Variants in CSMD1 observed in about 807,000 individuals in gnomAD.
The protein encoded by CSMD1 is CUB and Sushi multiple domains 1, also known as CUB and sushi domain-containing protein 1.
A neutral mutation model predicts 417.5 loss-of-function variants in CSMD1; 213 were observed. The observed-to-expected ratio is 0.51, with a 90% confidence interval of 0.46 to 0.57. CSMD1 has a LOEUF of 0.57. CSMD1 is among the 20% of genes least tolerant of loss of function. The pLI is 0.00. For synonymous variants in CSMD1, 2,862 were observed against 1,736.8 expected, an observed-to-expected ratio of 1.65 and a Z score of -16.11; for missense variants, 6,923 against 4,529.7, an observed-to-expected ratio of 1.53 and a Z score of -15.17.
At chr8:4,352,406 A>T (rs1032371013) in intron 3 of CSMD1, among the ~76,000 whole-genome samples, 1 of 152,232 alleles carries the variant, frequency 6.6e-6, no homozygotes, top group Non-Finnish European at 1.5e-5. Flanking sequence ...AGAAAATGAG[A>T]ACACCAGTAT....
intron 5 of CSMD1, among the ~76,000 whole-genome samples, chr8:3,889,281 T>C (rs995531466): frequency 4.0e-5 from 6 of 151,526 alleles, no homozygotes; most frequent in East Asian, 1.9e-4. Context: ...TAGAAAGCCA[T>C]TGCCTTTTTT....
intron 25 of CSMD1, among the ~76,000 whole-genome samples, chr8:3,302,807 A>T (rs1340144600): frequency 6.6e-6 from 1 of 152,184 alleles, no homozygotes; most frequent in Non-Finnish European, 1.5e-5. Flanking sequence ...ATGGCAGCTG[A>T]AATGTGAGTG....
At chr8:3,162,394 A>G in intron 37 of CSMD1, 117 bp from the exon 38 acceptor site, 1 of 678,048 alleles carries the variant, frequency 1.5e-6, no homozygotes. Flanking sequence ...AAAGACTTCA[A>G]CTCTTTCTCT....
chr8:4,041,012 T>C (rs1797858800), intron 3 of CSMD1, among the ~76,000 whole-genome samples: 1 of 123,142 alleles, frequency 8.1e-6, no homozygotes, highest in Non-Finnish European at 1.7e-5. Flanking sequence ...TTCTTTTTTT[T>C]TTTCCTTTTT....
intron 1 of CSMD1, among the ~76,000 whole-genome samples, chr8:4,834,861 G>A (rs374376950): frequency 6.8e-6 from 1 of 148,010 alleles, no homozygotes; most frequent in Non-Finnish European, 1.5e-5. Context: ...GGAGGCTGAG[G>A]CAGGAGAAAG....
At chr8:4,578,158 G>C (rs1044433210) in intron 2 of CSMD1, among the ~76,000 whole-genome samples, 1 of 151,824 alleles carries the variant, frequency 6.6e-6, no homozygotes, top group Non-Finnish European at 1.5e-5. Flanking sequence ...GCTGATAAAA[G>C]AGCATTTTTT....
intron 35 of CSMD1, 108 bp from the exon 36 acceptor site, chr8:3,188,073 TATACATATGTATATGTATATATATATAC>T: frequency 2.5e-6 from 1 of 398,816 alleles, no homozygotes; most frequent in Non-Finnish European, 4.5e-6. Context: ...TGTATATATA[TATACATATGTATATGTATATATATATAC>T]ATATACACCT....
At chr8:3,099,507 G>A (rs998776780) in intron 46 of CSMD1, among the ~76,000 whole-genome samples, 7 of 152,240 alleles carry the variant, frequency 4.6e-5, no homozygotes, top group African/African-American at 7.2e-5. Context: ...ACCAGAGGGC[G>A]TTTCATTTTG....
chr8:2,948,992 C>T (rs60684462), intron 68 of CSMD1, among the ~76,000 whole-genome samples: 24,500 of 150,460 alleles, frequency 0.16, 2,071 homozygotes, highest in African/African-American at 0.22. Flanking sequence ...TTTAAGAACT[C>T]TTAGTTTTCT....
intron 11 of CSMD1, among the ~76,000 whole-genome samples, chr8:3,487,771 T>C (rs1019833861): frequency 2.0e-5 from 3 of 152,118 alleles, no homozygotes; most frequent in Non-Finnish European, 4.4e-5. Context: ...AGCTTACAAA[T>C]TACACTAAGT....
At chr8:3,933,068 A>T (rs199627529) in intron 5 of CSMD1, among the ~76,000 whole-genome samples, 1 of 9,098 alleles carries the variant, frequency 1.1e-4, no homozygotes, top group Non-Finnish European at 2.4e-4. Flanking sequence ...TTATCTCATT[A>T]AAAAAAAACA....
intron 2 of CSMD1, among the ~76,000 whole-genome samples, chr8:4,609,280 G>C (rs2130786095): frequency 6.6e-6 from 1 of 152,130 alleles, no homozygotes; most frequent in Non-Finnish European, 1.5e-5. Flanking sequence ...GTGTGCCTTT[G>C]GTCCCAGCTA....
chr8:4,626,866 G>C (rs913056215), intron 2 of CSMD1, among the ~76,000 whole-genome samples: 3 of 152,094 alleles, frequency 2.0e-5, no homozygotes, highest in African/African-American at 7.2e-5. Context: ...TAAGCAAGAA[G>C]AAAATCAAGT....
intron 6 of CSMD1, among the ~76,000 whole-genome samples, chr8:3,721,571 G>T (rs1262658747): frequency 6.6e-6 from 1 of 152,040 alleles, no homozygotes; most frequent in Non-Finnish European, 1.5e-5. Context: ...AAATTCCAGT[G>T]GTATTTCAGG....
intron 1 of CSMD1, among the ~76,000 whole-genome samples, chr8:4,681,323 T>C (rs1189096210): frequency 2.0e-5 from 3 of 152,148 alleles, no homozygotes; most frequent in African/African-American, 4.8e-5. Flanking sequence ...TAGTACAATA[T>C]CTGATATAAG....
At chr8:4,068,265 G>A (rs910656411) in intron 3 of CSMD1, among the ~76,000 whole-genome samples, 30 of 152,220 alleles carry the variant, frequency 2.0e-4, no homozygotes, top group South Asian at 8.3e-4. Context: ...TGCCCTCCTC[G>A]GAGAGTTGAG....
At chr8:3,306,260 A>C (rs1282170276) in intron 25 of CSMD1, among the ~76,000 whole-genome samples, 1 of 152,184 alleles carries the variant, frequency 6.6e-6, no homozygotes, top group South Asian at 2.1e-4. Flanking sequence ...TTGTTTATAA[A>C]TATTTTTCAT....
Position 4,354,030 on chromosome 8 carries a change from T to C in CSMD1, c.415+65923A>G, listed in dbSNP as rs76936861. Among the ~76,000 whole-genome samples, 532 of 152,324 alleles carry C rather than the reference T, an allele frequency of 3.5e-3. 26 individuals are homozygous for C. In the East Asian group the frequency reaches 0.089, roughly 26 times the overall value. ...TCAGCACATTCTTCAGGCTTTTTCC[T>C]CTCCATACCAGTGTCTATGCAGCTA... is the stretch of plus-strand genomic sequence containing the variant. On this transcript the variant is annotated intron_variant, in intron 3 of 69. Transcript: ENST00000635120.
chr8:3,936,091 TAAGCCAAAGCCTAAC>T lies in CSMD1; in HGVS notation c.818+61797_818+61811del, dbSNP rs1262410765. Among the ~76,000 whole-genome samples the T allele has an allele frequency of 1.3e-4, 19 of 151,950 alleles. No individual in the cohort carries two copies. The South Asian group carries it at 2.1e-3, about 17-fold the overall frequency. The stretch of plus-strand genomic sequence containing the variant: ...GACCAAAGCAGCCGCAAAATTTTCT[TAAGCCAAAGCCTAAC>T]TCTCTGAAGGTAGAGAGAAGTAAGG... On this transcript the variant is annotated intron_variant, in intron 5 of 69. Transcript: ENST00000635120.
Sources: allele counts gnomAD v4.1 joint callset (sites outside exome capture counted in the v4.1 genomes callset), GRCh38; gene constraint gnomAD v4.1.1; transcripts MANE v1.5; gene names NCBI Gene and HGNC (gene_info 2026-07-23, HGNC 2026-07-21).